RICTOR: variants seen among roughly 807,000 people sequenced by gnomAD.
RICTOR encodes rapamycin-insensitive companion of mTOR.
In RICTOR, 49 loss-of-function variants were observed where a neutral mutation model predicts 214.9. The observed-to-expected ratio is 0.23, with a 90% CI of 0.18 to 0.29. RICTOR has a LOEUF of 0.29. Among genes scored for constraint, RICTOR ranks in the 10% least tolerant of loss-of-function variants. The pLI is 1.00. For synonymous variants in RICTOR, 717 were observed against 711.3 expected (o/e 1.01, Z -0.13); for missense variants, 1,625 against 2,047.0 (o/e 0.79, Z 3.98).
At chr5:39,060,921 G>T (rs1758498864) in intron 2 of RICTOR, among the ~76,000 whole-genome samples, 1 of 151,904 alleles carries the variant, frequency 6.6e-6, no homozygotes. Context: ...ATATGATCTT[G>T]GGCTAGTTAG....
In RICTOR at chr5:38,959,181, T is replaced by C; in HGVS notation, c.2178+14A>G. 1 of 1,556,732 alleles carries C rather than the reference T, an allele frequency of 6.4e-7. No homozygotes were observed. The highest frequency in any genetic ancestry group is 8.7e-7 in the Non-Finnish European group (1 of 1,154,762). ...TGGTTATAAATATAGTTTTACTGGC[T>C]ATGTTATACTCACATCAGTAGCTGC... On this transcript the variant is annotated intron_variant, in intron 22 of 37. Coordinates refer to ENST00000357387, the MANE Select transcript of RICTOR (RefSeq NM_152756.5).
intron 2 of RICTOR, among the ~76,000 whole-genome samples, chr5:39,039,535 C>T (rs1433113728): frequency 1.3e-5 from 2 of 152,150 alleles, no homozygotes; most frequent in African/African-American, 4.8e-5. Flanking sequence ...AGGTAACCTA[C>T]AGAATAGGAG....
intron 2 of RICTOR, among the ~76,000 whole-genome samples, chr5:39,039,127 A>G (rs1479354175): frequency 6.6e-6 from 1 of 152,204 alleles, no homozygotes; most frequent in Non-Finnish European, 1.5e-5. Context: ...GATATAGACC[A>G]ATGGAACAGA....
rs1749503934 is a variant in RICTOR at position 38,958,473 on chromosome 5, A to T, written c.2390T>A (p.Leu797His). 6.2e-7 allele frequency: 1 copy of T among 1,611,834 alleles called. No individual in the cohort carries two copies. Among genetic ancestry groups the T allele is most frequent in the Non-Finnish European group, 8.5e-7 (1 of 1,178,148 alleles). ...LIQMKPALSH[L>H]GDKGLLLLLR... ...CAGGAGAAGCAAACCCTTGTCTCCAAGGTGGGATAACGCTGGTTTCATCTG... is the reference window on the plus strand; with the variant it reads ...CAGGAGAAGCAAACCCTTGTCTCCATGGTGGGATAACGCTGGTTTCATCTG... The change falls in exon 24 of 38, where the codon CTT becomes CAT. Residue 797 changes from leucine (L) to histidine (H), a missense_variant. By Grantham distance (99) the Leu-to-His change is moderately conservative. Coordinates refer to ENST00000357387, the MANE Select transcript of RICTOR (RefSeq NM_152756.5).
At chr5:39,012,140 G>A (rs1210716453) in intron 3 of RICTOR, among the ~76,000 whole-genome samples, 3 of 152,106 alleles carry the variant, frequency 2.0e-5, no homozygotes, top group Non-Finnish European at 2.9e-5. Flanking sequence ...TGCTGTTCTC[G>A]TGATAGCGAG....
chr5:38,994,428 A>AG (rs1753020507), intron 6 of RICTOR, among the ~76,000 whole-genome samples: 1 of 133,420 alleles, frequency 7.5e-6, no homozygotes, highest in Non-Finnish European at 1.6e-5. Flanking sequence ...CTAAAAAAAA[A>AG]AAAAAAAAAA....
intron 11 of RICTOR, chr5:38,970,979 G>A (rs1750729982): frequency 6.6e-6 from 1 of 152,314 alleles, no homozygotes; most frequent in East Asian, 1.9e-4. Flanking sequence ...AATGAATAAA[G>A]CATAATAAAG....
intron 25 of RICTOR, 71 bp from the exon 26 acceptor site, chr5:38,955,775 C>T (rs557802499): frequency 1.2e-6 from 1 of 844,244 alleles, no homozygotes; most frequent in Non-Finnish European, 2.1e-6. Flanking sequence ...ATGTCAGATA[C>T]TTAGCAAAGG....
chr5:38,984,293 T>C (rs972013388), intron 7 of RICTOR, among the ~76,000 whole-genome samples: 1 of 152,314 alleles, frequency 6.6e-6, no homozygotes, highest in African/African-American at 2.4e-5. Flanking sequence ...CAAACATTTG[T>C]GGATTTTAGT....
At chr5:38,990,565 C>T (rs1425509979) in intron 7 of RICTOR, among the ~76,000 whole-genome samples, 2 of 141,902 alleles carry the variant, frequency 1.4e-5, no homozygotes, top group Admixed American at 7.0e-5. Flanking sequence ...ACGATATATA[C>T]ACGATATATA....
chr5:38,973,071 C>T (rs1325036310), intron 10 of RICTOR, among the ~76,000 whole-genome samples: 2 of 151,676 alleles, frequency 1.3e-5, no homozygotes, highest in African/African-American at 4.8e-5. Context: ...AACTAAGCCA[C>T]AAAAATAATG....
In RICTOR at chr5:38,944,928, T is replaced by G; in HGVS notation, c.4774A>C (p.Thr1592Pro). ...QEGSASSTKS[T>P]ELLLGVKTIP... ...GAAGACTCACCTAGTAACAATTCTG[T>G]GCTTTTGGTGCTGCTAGCTGAGCCT... The change falls in exon 35 of 38, where the codon ACA becomes CCA. Residue 1592 changes from threonine to proline, a missense_variant. Thr to Pro is a conservative substitution (Grantham distance 38). Around this residue, in one of 5 missense-constraint regions of RICTOR, gnomAD observed 1,214 missense variants for 1,470.5 expected, o/e 0.83. Transcript: ENST00000357387. The G allele has an allele frequency of 6.2e-7, 1 of 1,614,056 alleles. No individual in the cohort carries two copies.
chr5:39,014,735 T>C (rs1365486903), intron 3 of RICTOR, among the ~76,000 whole-genome samples: 2 of 152,162 alleles, frequency 1.3e-5, no homozygotes, highest in Non-Finnish European at 2.9e-5. Context: ...TCCAGTGAGA[T>C]GATGTCAGAA....
rs541336131 is a variant in RICTOR, at chr5:38,937,964, T to C, written c.*4340A>G. On this transcript the variant is annotated 3_prime_UTR_variant, in exon 38 of 38. Coordinates refer to ENST00000357387, the MANE Select transcript of RICTOR (RefSeq NM_152756.5). This position sits in a 1 kb window ranked among gnomAD's most constrained non-coding sequence, Gnocchi z 4.0. ...TTTTATTAACAATGTATCCCTTTGATAAGATTATGCTTCAGGAGGCTTTTA... is the reference window on the plus strand; with the variant it reads ...TTTTATTAACAATGTATCCCTTTGACAAGATTATGCTTCAGGAGGCTTTTA... 1 of 187,800 alleles carries C rather than the reference T, an allele frequency of 5.3e-6. No individual in the cohort carries two copies. The highest frequency in any genetic ancestry group is 2.0e-4 in the South Asian group (1 of 5,128). The allele number at this position is 187,800 out of a possible 1,614,324, so 11.6% of individuals were successfully genotyped here. A position where few individuals can be genotyped will look rare whatever the true frequency, so the allele number is the denominator to read the frequency against.
Position 39,003,625 on chromosome 5 carries a change from G to A in RICTOR, c.196-3C>T, listed in dbSNP as rs1245134823. On this transcript the variant is annotated splice_region_variant and splice_polypyrimidine_tract_variant and intron_variant, in intron 3 of 37. Coordinates refer to ENST00000357387, the MANE Select transcript of RICTOR (RefSeq NM_152756.5). The stretch of plus-strand genomic sequence containing the variant: ...CTGTGGCCAATATCACAAAGAAGCT[G>A]TCAGAAAAACAAAATAAGTGTGCAT... 2 of 1,597,828 alleles carry A rather than the reference G, an allele frequency of 1.3e-6. No homozygotes were observed. Among genetic ancestry groups the A allele is most frequent in the Admixed American group, 1.7e-5 (1 of 59,602 alleles).
chr5:39,031,813 T>A (rs1276718345), intron 2 of RICTOR, among the ~76,000 whole-genome samples: 4 of 152,210 alleles, frequency 2.6e-5, no homozygotes, highest in Non-Finnish European at 2.9e-5. Flanking sequence ...GTCTTTAATA[T>A]CATCTATGAT....
intron 2 of RICTOR, among the ~76,000 whole-genome samples, chr5:39,062,959 T>C (rs1401172649): frequency 6.6e-6 from 1 of 152,186 alleles, no homozygotes; most frequent in Non-Finnish European, 1.5e-5. Context: ...TCAGGTTACA[T>C]GTTTAAATTT....
chr5:39,031,471 A>G (rs556246643), intron 2 of RICTOR, among the ~76,000 whole-genome samples: 7 of 152,218 alleles, frequency 4.6e-5, no homozygotes, highest in Admixed American at 1.3e-4. Flanking sequence ...CCACATTTCA[A>G]TTGTGCTCTT....
Position 38,978,631 on chromosome 5 carries a change from G to T in RICTOR, c.773C>A (p.Thr258Asn). The T allele has an allele frequency of 6.5e-7, 1 of 1,548,596 alleles. No homozygotes were observed. The highest frequency in any genetic ancestry group is 8.9e-7 in the Non-Finnish European group (1 of 1,129,512). Residue 258 changes from threonine (T) to asparagine (N), a missense_variant, in exon 9 of 38, where the codon ACT becomes AAT. By Grantham distance (65) the Thr-to-Asn change is moderately conservative. Transcript: ENST00000357387. ...TGGACTATGTCTGTAGTGAAAATCAGTATAGGGTGCTAAAATTCTCTATTT... is the reference window on the plus strand; with the variant it reads ...TGGACTATGTCTGTAGTGAAAATCATTATAGGGTGCTAAAATTCTCTATTT... ...VELERILAPY[T>N]DFHYRHSPDT...
Sources: allele counts gnomAD v4.1 joint callset (sites outside exome capture counted in the v4.1 genomes callset), GRCh38; gene constraint gnomAD v4.1.1; regional missense constraint gnomAD v4.1.1; non-coding constraint Gnocchi (gnomAD v3.1); transcripts MANE v1.5; gene names NCBI Gene and HGNC (gene_info 2026-07-23, HGNC 2026-07-21).